Variants in SHTN1 observed in about 807,000 individuals in gnomAD.
SHTN1 encodes shootin 1.
SHTN1 carries 42 observed loss-of-function variants against 83.1 expected under a neutral mutation model. The ratio of observed to expected loss-of-function variants is 0.51; its 90% CI spans 0.39 to 0.65. SHTN1 has a LOEUF of 0.65. SHTN1 is among the 30% of genes least tolerant of loss of function. The pLI, the probability that SHTN1 is intolerant of heterozygous loss-of-function variation, is 0.00. For synonymous variants in SHTN1, 224 were observed against 247.7 expected (o/e 0.90, Z 0.90); for missense variants, 622 against 737.8 (o/e 0.84, Z 1.82).
chr10:117,007,971 G>C (rs1852047615), upstream of SHTN1, among the ~76,000 whole-genome samples: 1 of 151,912 alleles, frequency 6.6e-6, no homozygotes, highest in South Asian at 2.1e-4. Flanking sequence ...TCATGCCACT[G>C]CACTCCAGCC....
chr10:117,069,430 G>T (rs1853049425), intron 1 of SHTN1, among the ~76,000 whole-genome samples: 1 of 152,054 alleles, frequency 6.6e-6, no homozygotes. Context: ...AGCTAAAAAA[G>T]AATGTGGAAC....
chr10:117,046,551 T>C (rs1434600710), intron 2 of SHTN1, among the ~76,000 whole-genome samples: 1 of 152,066 alleles, frequency 6.6e-6, no homozygotes, highest in Non-Finnish European at 1.5e-5. Context: ...TGAAAACATA[T>C]GTACACACAA....
intron 1 of SHTN1, among the ~76,000 whole-genome samples, chr10:117,098,912 G>T (rs951302024): frequency 1.3e-5 from 2 of 151,310 alleles, no homozygotes; most frequent in South Asian, 2.1e-4. Context: ...ATCCTTAAAA[G>T]ACTTCAAATT....
chr10:117,052,461 G>A (rs1195180977), intron 1 of SHTN1, among the ~76,000 whole-genome samples: 1 of 151,846 alleles, frequency 6.6e-6, no homozygotes, highest in East Asian at 1.9e-4. Flanking sequence ...CAGGACCCCA[G>A]ATAGCCAAAA....
At chr10:117,102,213 C>T (rs11197899) in intron 1 of SHTN1, among the ~76,000 whole-genome samples, 29,802 of 152,082 alleles carry the variant, frequency 0.2, 3,208 homozygotes, top group East Asian at 0.43. Context: ...GACAGAGGAA[C>T]TCACGAAGGA....
chr10:116,996,228 C>G (rs1851621520), intron 1 of SHTN1, among the ~76,000 whole-genome samples: 1 of 152,062 alleles, frequency 6.6e-6, no homozygotes, highest in Admixed American at 6.5e-5. Context: ...GATTCTAGCC[C>G]TGTTCATTGT....
At chr10:117,006,230 G>GTT (rs994533905), upstream of SHTN1, among the ~76,000 whole-genome samples, 2 of 24,052 alleles carry the variant, frequency 8.3e-5, no homozygotes, top group Non-Finnish European at 6.2e-4. Context: ...TTATAATGCA[G>GTT]TTTTTTTTTG....
chr10:116,952,010 C>G lies in SHTN1; in HGVS notation c.437-4G>C. The G allele has an allele frequency of 6.9e-7, 1 of 1,450,634 alleles. No homozygotes were observed. Among genetic ancestry groups the G allele is most frequent in the South Asian group, 1.6e-5 (1 of 62,540 alleles). The allele number at this position is 1,450,634 out of a possible 1,614,324, so 89.9% of individuals were successfully genotyped here. A position where few individuals can be genotyped will look rare whatever the true frequency, so the allele number is the denominator to read the frequency against. On this transcript the variant is annotated splice_polypyrimidine_tract_variant and splice_region_variant and intron_variant, in intron 5 of 16. Coordinates refer to ENST00000355371, the MANE Select transcript of SHTN1 (RefSeq NM_001127211.3). Reference sequence around the variant, plus strand: ...GATACAATTTGATCTCGAAGTTCTGCATTTTTAAAGAAAAAAAATATATAA... The same window carrying G: ...GATACAATTTGATCTCGAAGTTCTGGATTTTTAAAGAAAAAAAATATATAA...
upstream of SHTN1, chr10:117,005,645 C>T (rs759452675): frequency 2.1e-6 from 2 of 953,352 alleles, no homozygotes; most frequent in Non-Finnish European, 2.5e-6. Flanking sequence ...GGTTGCAAAA[C>T]CTAGCTGCCC....
In SHTN1 at chr10:116,911,830, T is replaced by G. The variant is rs778612536; in HGVS notation, c.1319A>C (p.Lys440Thr). Residue 440 changes from lysine to threonine, a missense_variant, in exon 14 of 17, where the codon AAA (lysine) becomes ACA (threonine). By Grantham distance (78) the Lys-to-Thr change is moderately conservative. Transcript: ENST00000355371. The part of the protein sequence containing the change: ...ARPKTKPESS[K>T]GCESAVDELK... ...TTCATCCACTGCACTTTCGCAGCCT[T>G]TCGAAGATTCTGGCTATAATTTTAA... 6.2e-7 allele frequency: 1 copy of G among 1,612,002 alleles called. No homozygotes were observed. Among genetic ancestry groups the G allele is most frequent in the Non-Finnish European group, 8.5e-7 (1 of 1,178,150 alleles).
intron 11 of SHTN1, among the ~76,000 whole-genome samples, chr10:116,925,213 G>A (rs1169958539): frequency 6.6e-6 from 1 of 152,182 alleles, no homozygotes; most frequent in Non-Finnish European, 1.5e-5. Flanking sequence ...ATTTCAATCA[G>A]TAGACTGAGT....
At chr10:116,971,226 C>T (rs1850606723) in intron 2 of SHTN1, among the ~76,000 whole-genome samples, 1 of 152,072 alleles carries the variant, frequency 6.6e-6, no homozygotes, top group African/African-American at 2.4e-5. Flanking sequence ...GATCCCCCAC[C>T]CAGTCAAAAT....
intron 1 of SHTN1, among the ~76,000 whole-genome samples, chr10:117,060,128 A>G (rs1418358871): frequency 6.6e-6 from 1 of 152,140 alleles, no homozygotes; most frequent in Non-Finnish European, 1.5e-5. Context: ...CAGGAGGATC[A>G]CTTGAGCCCA....
chr10:116,888,093 C>A (rs2133297639), intron 16 of SHTN1, among the ~76,000 whole-genome samples: 1 of 152,302 alleles, frequency 6.6e-6, no homozygotes, highest in Admixed American at 6.5e-5. Flanking sequence ...TCCTAAGTGA[C>A]AAACACTATG....
At chr10:117,082,884 G>T (rs1239456792) in intron 1 of SHTN1, among the ~76,000 whole-genome samples, 2 of 150,968 alleles carry the variant, frequency 1.3e-5, no homozygotes, top group Non-Finnish European at 2.9e-5. Flanking sequence ...TTTTCCATTT[G>T]CTTGGTAGAT....
rs975110635 is a variant in SHTN1 at position 116,983,376 on chromosome 10, T to C, written c.59-4068A>G. 1.2e-4 allele frequency among the ~76,000 whole-genome samples: 18 copies of C among 152,098 alleles called. 1 individual carries two copies. The highest frequency in any genetic ancestry group is 9.8e-4 in the Admixed American group (15 of 15,266). On this transcript the variant is annotated intron_variant, in intron 1 of 16. Transcript: ENST00000355371. ...TTTATGACAAAGGAAGTGTCCTGCA[T>C]GGCAGACAGGAAAAATTTCCAGGGT...
intron 3 of SHTN1, among the ~76,000 whole-genome samples, chr10:116,966,020 T>C (rs1264661539): frequency 6.6e-6 from 1 of 152,144 alleles, no homozygotes; most frequent in Non-Finnish European, 1.5e-5. Flanking sequence ...TTTTTGGGGT[T>C]TTTTTGAGAC....
At chr10:116,987,601 C>G (rs929323025) in intron 1 of SHTN1, among the ~76,000 whole-genome samples, 3 of 151,900 alleles carry the variant, frequency 2.0e-5, no homozygotes, top group African/African-American at 7.3e-5. Flanking sequence ...CTAGAAAAGG[C>G]GAAACTATGG....
chr10:117,005,438 T>C (rs1360839685), upstream of SHTN1: 1 of 1,067,194 alleles, frequency 9.4e-7, no homozygotes, highest in Non-Finnish European at 1.1e-6. Flanking sequence ...CGCACCCTTT[T>C]CTCCGCCTCC....
Sources: gnomAD v4.1 joint callset for allele counts (sites outside exome capture counted in the v4.1 genomes callset) on GRCh38, gnomAD v4.1.1 for gene constraint, MANE v1.5 for transcripts, NCBI Gene and HGNC (gene_info 2026-07-23, HGNC 2026-07-21) for gene names.